WIPF1: variants seen among roughly 807,000 people sequenced by gnomAD.
WIPF1 encodes WAS/WASL interacting protein family member 1.
Under a neutral mutation model 35.4 loss-of-function variants are expected in WIPF1, and 13 were observed. The observed-to-expected ratio is 0.37, with a 90% confidence interval of 0.24 to 0.58. WIPF1 has a LOEUF of 0.58. Among genes scored for constraint, WIPF1 ranks in the 20% least tolerant of loss-of-function variants. WIPF1 has a pLI of 0.74. For missense variants in WIPF1, 591 were observed against 667.0 expected (o/e 0.89, Z 1.25); for synonymous variants, 267 against 266.3 (o/e 1.00, Z -0.02).
At chr2:174,635,597 T>G (rs1157853307) in intron 1 of WIPF1, among the ~76,000 whole-genome samples, 1 of 150,414 alleles carries the variant, frequency 6.6e-6, no homozygotes, top group African/African-American at 2.5e-5. Flanking sequence ...ATACTGGAAT[T>G]TGTGGATATA....
upstream of WIPF1, among the ~76,000 whole-genome samples, chr2:174,599,235 G>A (rs1435616329): frequency 1.3e-5 from 2 of 152,166 alleles, no homozygotes; most frequent in Admixed American, 6.5e-5. Context: ...AGCATTCAGT[G>A]GGTGGGGCCA....
At chr2:174,652,741 G>A (rs911959329) in intron 1 of WIPF1, among the ~76,000 whole-genome samples, 7 of 151,818 alleles carry the variant, frequency 4.6e-5, no homozygotes, top group African/African-American at 1.7e-4. Flanking sequence ...GGAAGTACTG[G>A]GGACTGAAGT....
intron 1 of WIPF1, among the ~76,000 whole-genome samples, chr2:174,642,241 C>A (rs1278771150): frequency 6.6e-6 from 1 of 152,088 alleles, no homozygotes; most frequent in Non-Finnish European, 1.5e-5. Flanking sequence ...TCCTAGGGAC[C>A]CTGCATTCTT....
chr2:174,625,686 C>A (rs775847580), intron 1 of WIPF1: 1 of 152,098 alleles, frequency 6.6e-6, no homozygotes, highest in Non-Finnish European at 1.5e-5. Flanking sequence ...TCAGTTTGGG[C>A]TAGGAAATGC....
chr2:174,575,099 C>A, intron 4 of WIPF1, 105 bp downstream of exon 4: 2 of 1,238,974 alleles, frequency 1.6e-6, no homozygotes, highest in South Asian at 1.4e-5. Context: ...AAACAATGTA[C>A]AATATTTTAA....
At chr2:174,589,141 C>T (rs537518381) in intron 1 of WIPF1, among the ~76,000 whole-genome samples, 1 of 152,298 alleles carries the variant, frequency 6.6e-6, no homozygotes, top group South Asian at 2.1e-4. Flanking sequence ...GCTCGTGTGC[C>T]CCAACACTGG....
chr2:174,634,438 G>A (rs953311429), intron 1 of WIPF1: 4 of 152,180 alleles, frequency 2.6e-5, no homozygotes, highest in Non-Finnish European at 5.9e-5. Flanking sequence ...TAAAGAAATC[G>A]TTAAAGACAG....
At chr2:174,570,840 G>A (rs1684808023) in intron 5 of WIPF1, among the ~76,000 whole-genome samples, 1 of 152,090 alleles carries the variant, frequency 6.6e-6, no homozygotes, top group Admixed American at 6.6e-5. Flanking sequence ...TTTAAAAGTG[G>A]GTGGTTCTAC....
chr2:174,628,786 T>C (rs967474780), intron 1 of WIPF1, among the ~76,000 whole-genome samples: 2 of 152,222 alleles, frequency 1.3e-5, no homozygotes, highest in African/African-American at 2.4e-5. Context: ...ACTTTGACCA[T>C]AGACAAATCA....
chr2:174,649,658 T>G (rs1170128275), intron 1 of WIPF1, among the ~76,000 whole-genome samples: 2 of 152,194 alleles, frequency 1.3e-5, no homozygotes, highest in Admixed American at 1.3e-4. Context: ...CTTTCCCATG[T>G]GGCCCTATGT....
At chr2:174,670,479 TC>T (rs1263673199) in intron 1 of WIPF1, among the ~76,000 whole-genome samples, 1 of 152,194 alleles carries the variant, frequency 6.6e-6, no homozygotes, top group East Asian at 1.9e-4. Flanking sequence ...AAGTTCAGCT[TC>T]CCAGGTAGAC....
rs182419192 is a variant in WIPF1, at chr2:174,584,754, A to G, written c.51+769T>C. The stretch of plus-strand genomic sequence containing the variant: ...TGGTGAAACCCCGTCCATACTAAAA[A>G]TACAAAAATTAGCTGGGCATGGTGG... On this transcript the variant is annotated intron_variant, in intron 2 of 7. Transcript: ENST00000679041. 1.3e-4 allele frequency among the ~76,000 whole-genome samples: 20 copies of G among 152,296 alleles called. No homozygotes were observed. The Middle Eastern group carries it at 0.01, about 78-fold the overall frequency.
chr2:174,590,656 G>A lies in WIPF1; in HGVS notation c.-38-5045C>T, dbSNP rs144044244. ...ATCAGAATCTGCTGTGCCTGTGTCC[G>A]GCTTCCCAGACTAGTTGGGCTCTCA... On this transcript the variant is annotated intron_variant, in intron 1 of 7. Transcript: ENST00000679041. This position sits in a 1 kb window ranked among gnomAD's most constrained non-coding sequence, Gnocchi z 4.6. 6.6e-5 allele frequency among the ~76,000 whole-genome samples: 10 copies of A among 152,296 alleles called. No homozygotes were observed. Among genetic ancestry groups the A allele is most frequent in the Admixed American group, 2.0e-4 (3 of 15,292 alleles).
rs915969131 is a variant in WIPF1 at position 174,574,675 on chromosome 2, A to G, written c.358+529T>C. On this transcript the variant is annotated intron_variant, in intron 4 of 7. Transcript: ENST00000679041. ...AGACAATCCTGAAGGACTCATGTCC[A>G]TGGCTCCCTGCAGAGACTCCTGAGA... 6.8e-5 allele frequency: 39 copies of G among 569,726 alleles called. No homozygotes were observed. The East Asian group carries it at 1.0e-3, about 15-fold the overall frequency. The allele number at this position is 569,726 out of a possible 1,614,324, so 35.3% of individuals were successfully genotyped here. A position where few individuals can be genotyped will look rare whatever the true frequency, so the allele number is the denominator to read the frequency against.
intron 4 of WIPF1, among the ~76,000 whole-genome samples, chr2:174,574,566 T>C (rs1684984051): frequency 6.6e-6 from 1 of 152,202 alleles, no homozygotes; most frequent in Non-Finnish European, 1.5e-5. Flanking sequence ...CTGTAGTAGC[T>C]GGGAGAGAGC....
intron 1 of WIPF1, among the ~76,000 whole-genome samples, chr2:174,637,177 G>A (rs889283016): frequency 4.0e-5 from 6 of 151,796 alleles, no homozygotes; most frequent in Admixed American, 1.3e-4. Flanking sequence ...TTCCAGCTTC[G>A]GCCACTGGGA....
At chr2:174,581,971 CT>C (rs1297358368) in intron 2 of WIPF1, among the ~76,000 whole-genome samples, 1 of 152,074 alleles carries the variant, frequency 6.6e-6, no homozygotes, top group Non-Finnish European at 1.5e-5. Context: ...CTTTTTTTCT[CT>C]TTTTAAGTCA....
intron 7 of WIPF1, among the ~76,000 whole-genome samples, chr2:174,564,613 T>C (rs1684587604): frequency 6.6e-6 from 1 of 152,212 alleles, no homozygotes; most frequent in South Asian, 2.1e-4. Context: ...GCTTAGCTAT[T>C]CCATTAAAGA....
chr2:174,610,186 G>A (rs769869425), intron 1 of WIPF1, among the ~76,000 whole-genome samples: 1 of 152,198 alleles, frequency 6.6e-6, no homozygotes, highest in Non-Finnish European at 1.5e-5. Context: ...TGGAGCATGT[G>A]CACATATGTT....
Sources: gnomAD v4.1 joint callset for allele counts (sites outside exome capture counted in the v4.1 genomes callset) on GRCh38, gnomAD v4.1.1 for gene constraint, Gnocchi (gnomAD v3.1) non-coding constraint, MANE v1.5 for transcripts, NCBI Gene and HGNC (gene_info 2026-07-23, HGNC 2026-07-21) for gene names.